Variants in GRID1 observed in about 807,000 individuals in gnomAD.
The protein encoded by GRID1 is glutamate ionotropic receptor delta type subunit 1, also known as glutamate receptor ionotropic, delta-1.
Under a neutral mutation model 98.0 loss-of-function variants are expected in GRID1, and 28 were observed. The ratio of observed to expected loss-of-function variants is 0.29; its 90% CI spans 0.21 to 0.39. The LOEUF (loss-of-function observed/expected upper bound fraction) is 0.39, where lower values mean the gene tolerates loss of function less well. GRID1 is among the 10% of genes least tolerant of loss of function. The pLI is 1.00. For missense variants in GRID1, 1,111 were observed against 1,340.5 expected, an observed-to-expected ratio of 0.83 and a Z score of 2.67; for synonymous variants, 553 against 538.5, an observed-to-expected ratio of 1.03 and a Z score of -0.37.
chr10:86,341,147 T>C (rs1013872321), intron 2 of GRID1, among the ~76,000 whole-genome samples: 2 of 152,172 alleles, frequency 1.3e-5, no homozygotes, highest in African/African-American at 4.8e-5. Context: ...TCCCTCCTCC[T>C]TATTGTTCAG....
intron 12 of GRID1, chr10:85,709,106 A>T: frequency 3.0e-6 from 1 of 335,226 alleles, no homozygotes; most frequent in Non-Finnish European, 6.0e-6. Context: ...AATGACCCTG[A>T]CTTTGAGATG....
intron 2 of GRID1, among the ~76,000 whole-genome samples, chr10:86,248,587 T>G (rs899592954): frequency 3.3e-5 from 2 of 61,236 alleles, no homozygotes; most frequent in African/African-American, 1.1e-4. Context: ...TTTTTTTTTT[T>G]TTTTTTTTGA....
chr10:85,671,523 T>C (rs572395053), intron 12 of GRID1, among the ~76,000 whole-genome samples: 1 of 152,202 alleles, frequency 6.6e-6, no homozygotes, highest in African/African-American at 2.4e-5. Flanking sequence ...TTCTGACTGC[T>C]CCACTGACCA....
chr10:85,913,615 C>T (rs1292021106), intron 5 of GRID1, among the ~76,000 whole-genome samples: 1 of 152,078 alleles, frequency 6.6e-6, no homozygotes, highest in Non-Finnish European at 1.5e-5. Context: ...CATGATAAAA[C>T]CCCGCCCTAC....
chr10:86,041,698 T>C (rs1300292501), intron 4 of GRID1, among the ~76,000 whole-genome samples: 1 of 152,184 alleles, frequency 6.6e-6, no homozygotes, highest in Non-Finnish European at 1.5e-5. Context: ...ATCTGTTGTG[T>C]CACTCAGAGC....
intron 2 of GRID1, among the ~76,000 whole-genome samples, chr10:86,247,133 G>A (rs1297084380): frequency 1.3e-5 from 2 of 152,230 alleles, no homozygotes; most frequent in Non-Finnish European, 2.9e-5. Context: ...TGGGCAAGGG[G>A]GTAGGTGGAT....
At chr10:85,949,647 C>T (rs1014886769) in intron 4 of GRID1, among the ~76,000 whole-genome samples, 1 of 152,130 alleles carries the variant, frequency 6.6e-6, no homozygotes, top group Non-Finnish European at 1.5e-5. Flanking sequence ...GGCTTCCATC[C>T]TGGCATCTCC....
chr10:86,306,076 T>C lies in GRID1; in HGVS notation c.235+57865A>G, dbSNP rs118116786. On this transcript the variant is annotated intron_variant, in intron 2 of 15. Coordinates refer to ENST00000327946, the MANE Select transcript of GRID1 (RefSeq NM_017551.3). The stretch of plus-strand genomic sequence containing the variant: ...GTCTCTCAGCCATGGAAAAGATGAC[T>C]CCACCTGACCTGTGGATGCAGAGAG... Among the ~76,000 whole-genome samples the C allele has an allele frequency of 3.6e-3, 550 of 152,298 alleles. 1 individual carries two copies. Among genetic ancestry groups the C allele is most frequent in the Admixed American group, 6.0e-3 (92 of 15,298 alleles).
intron 13 of GRID1, among the ~76,000 whole-genome samples, chr10:85,627,603 C>T (rs1164988123): frequency 6.6e-6 from 1 of 152,166 alleles, no homozygotes; most frequent in Non-Finnish European, 1.5e-5. Context: ...ATGTTTCCTG[C>T]AGCTCAGCAA....
chr10:85,971,028 T>C (rs1317882650), intron 4 of GRID1, among the ~76,000 whole-genome samples: 2 of 151,478 alleles, frequency 1.3e-5, no homozygotes, highest in East Asian at 3.8e-4. Context: ...AAATCAACTC[T>C]ATTTCTATAT....
intron 12 of GRID1, among the ~76,000 whole-genome samples, chr10:85,700,792 C>A (rs778427907): frequency 3.9e-5 from 6 of 152,230 alleles, no homozygotes; most frequent in Admixed American, 2.0e-4. Context: ...TGAATCTCTG[C>A]TCTTTAGAAG....
At chr10:85,934,579 T>A (rs561494352) in intron 4 of GRID1, among the ~76,000 whole-genome samples, 1 of 152,204 alleles carries the variant, frequency 6.6e-6, no homozygotes, top group Admixed American at 6.5e-5. Flanking sequence ...AAAAATCATA[T>A]GTTGTTCTCA....
At chr10:85,755,818 G>C (rs562180714) in intron 8 of GRID1, among the ~76,000 whole-genome samples, 1 of 152,048 alleles carries the variant, frequency 6.6e-6, no homozygotes, top group South Asian at 2.1e-4. Flanking sequence ...AATTACACAG[G>C]CCTCTCCCCT....
chr10:86,022,025 T>A (rs1044485173), intron 4 of GRID1, among the ~76,000 whole-genome samples: 2 of 152,196 alleles, frequency 1.3e-5, no homozygotes, highest in African/African-American at 4.8e-5. Context: ...AAGAAACCGA[T>A]TAATACCACA....
At chr10:85,679,632 G>A (rs1052927064) in intron 12 of GRID1, among the ~76,000 whole-genome samples, 1 of 152,212 alleles carries the variant, frequency 6.6e-6, no homozygotes, top group Non-Finnish European at 1.5e-5. Context: ...AGGATATGGA[G>A]GTAGGGAGCC....
chr10:85,872,705 C>T (rs925450577), intron 5 of GRID1, among the ~76,000 whole-genome samples: 1 of 152,218 alleles, frequency 6.6e-6, no homozygotes, highest in Non-Finnish European at 1.5e-5. Flanking sequence ...CCATTCTACC[C>T]ACCTGGGAAT....
chr10:86,000,878 T>TA (rs1842794867), intron 4 of GRID1, among the ~76,000 whole-genome samples: 1 of 152,110 alleles, frequency 6.6e-6, no homozygotes, highest in South Asian at 2.1e-4. Context: ...TCAACAAGAA[T>TA]AAAAAATTCA....
chr10:86,262,817 C>G (rs1358509870), intron 2 of GRID1, among the ~76,000 whole-genome samples: 1 of 152,188 alleles, frequency 6.6e-6, no homozygotes, highest in Non-Finnish European at 1.5e-5. Context: ...GTCCACACAA[C>G]TAAAGGTTTG....
At chr10:85,908,565 T>A (rs897890655) in intron 5 of GRID1, among the ~76,000 whole-genome samples, 1 of 152,200 alleles carries the variant, frequency 6.6e-6, no homozygotes, top group Non-Finnish European at 1.5e-5. Context: ...AGATATGTCT[T>A]GTTTGTGGGT....
Sources: gnomAD v4.1 joint callset for allele counts (sites outside exome capture counted in the v4.1 genomes callset) on GRCh38, gnomAD v4.1.1 for gene constraint, MANE v1.5 for transcripts, NCBI Gene and HGNC (gene_info 2026-07-23, HGNC 2026-07-21) for gene names.